Variants in PSME4 observed in about 807,000 individuals in gnomAD.
PSME4 encodes proteasome activator complex subunit 4.
Under a neutral mutation model 253.9 loss-of-function variants are expected in PSME4, and 89 were observed. The observed-to-expected ratio is 0.35, with a 90% CI of 0.30 to 0.42. PSME4 has a LOEUF of 0.42. Ranked by LOEUF, PSME4 falls within the 10% of genes least tolerant of loss-of-function variation. The pLI is 1.00. For missense variants in PSME4, 2,014 were observed against 2,195.2 expected (o/e 0.92, Z 1.65); for synonymous variants, 851 against 759.2 (o/e 1.12, Z -1.99).
At chr2:53,923,601 T>C (rs941491260) in intron 14 of PSME4, among the ~76,000 whole-genome samples, 182 bp from the exon 15 acceptor site, 7 of 152,190 alleles carry the variant, frequency 4.6e-5, no homozygotes, top group African/African-American at 1.4e-4. Context: ...AGAACAATCT[T>C]TGCCCACGAT....
At chr2:53,968,928 A>G (rs1670879280) in intron 1 of PSME4, among the ~76,000 whole-genome samples, 1 of 152,220 alleles carries the variant, frequency 6.6e-6, no homozygotes, top group Non-Finnish European at 1.5e-5. Context: ...TATAAATCCA[A>G]AGCAGATATG....
intron 21 of PSME4, among the ~76,000 whole-genome samples, chr2:53,909,617 ATTC>A (rs1005546174): frequency 2.0e-5 from 3 of 152,198 alleles, no homozygotes; most frequent in Non-Finnish European, 4.4e-5. Context: ...TATAATTAAT[ATTC>A]TTTTCATATA....
Position 53,966,088 on chromosome 2 carries a change from C to A in PSME4, c.242+4455G>T, listed in dbSNP as rs373711138. 6.6e-4 allele frequency among the ~76,000 whole-genome samples: 100 copies of A among 152,168 alleles called. 2 individuals are homozygous for A. The East Asian group carries it at 0.017, about 26-fold the overall frequency. On this transcript the variant is annotated intron_variant, in intron 1 of 46. Coordinates refer to ENST00000404125, the MANE Select transcript of PSME4 (RefSeq NM_014614.3). ...ATCATTTGGGGCCAGGAGTTTGAGA[C>A]AGCCTGGGCAACATGGCAAAACCCC...
chr2:53,873,811 T>A (rs2104412480), intron 43 of PSME4, among the ~76,000 whole-genome samples: 1 of 152,312 alleles, frequency 6.6e-6, no homozygotes, highest in Non-Finnish European at 1.5e-5. Context: ...CAATTTCTCA[T>A]GGTTAAGAAA....
In PSME4 at chr2:53,923,124, A is replaced by T; in HGVS notation, c.1909-6T>A. ...AAAGATTCTTCTGGGCAGCACTGAA[A>T]ATGTATTTGTATAAGTAAGGCTTTT... is the stretch of plus-strand genomic sequence containing the variant. On this transcript the variant is annotated splice_region_variant and splice_polypyrimidine_tract_variant and intron_variant, in intron 15 of 46. Coordinates refer to ENST00000404125, the MANE Select transcript of PSME4 (RefSeq NM_014614.3). The T allele has an allele frequency of 6.2e-7, 1 of 1,602,714 alleles. No homozygotes were observed. The highest frequency in any genetic ancestry group is 8.5e-7 in the Non-Finnish European group (1 of 1,173,590).
rs564692636 is a variant in PSME4, at chr2:53,929,707, GT to G, written c.1317-1405del. Among the ~76,000 whole-genome samples the G allele has an allele frequency of 4.2e-4, 64 of 151,688 alleles. 1 individual carries two copies. Among genetic ancestry groups the G allele is most frequent in the African/African-American group, 1.5e-3 (61 of 41,320 alleles). ...TTCTACATTTTTAGTTTTTAAAAAA[GT>G]TTTGCTTTTATTAAAAATAAAATCT... On this transcript the variant is annotated intron_variant, in intron 10 of 46. Coordinates refer to ENST00000404125, the MANE Select transcript of PSME4 (RefSeq NM_014614.3).
Position 53,922,939 on chromosome 2 carries a change from A to G in PSME4, c.1978+110T>C, listed in dbSNP as rs906622992. 4 of 948,188 alleles carry G rather than the reference A, an allele frequency of 4.2e-6. No individual in the cohort carries two copies. The African/African-American group carries it at 6.8e-5, about 16-fold the overall frequency. The allele number at this position is 948,188 out of a possible 1,614,324, so 58.7% of individuals were successfully genotyped here. A position where few individuals can be genotyped will look rare whatever the true frequency, so the allele number is the denominator to read the frequency against. On this transcript the variant is annotated intron_variant, in intron 16 of 46. Transcript: ENST00000404125. ...GAGACAAATTTTCCCCAAATTGCCA[A>G]TCAAAATATTGTGAAGCTAAAGGAA...
At chr2:53,881,130 A>C (rs1031873460) in intron 41 of PSME4, among the ~76,000 whole-genome samples, 2 of 152,238 alleles carry the variant, frequency 1.3e-5, no homozygotes, top group Non-Finnish European at 2.9e-5. Flanking sequence ...ATTATATACT[A>C]AACTATGTTA....
At chr2:53,953,040 G>A (rs1218736195) in intron 1 of PSME4, among the ~76,000 whole-genome samples, 2 of 152,114 alleles carry the variant, frequency 1.3e-5, no homozygotes, top group African/African-American at 2.4e-5. Context: ...GACCAACAGG[G>A]GGATTCCTGG....
intron 41 of PSME4, among the ~76,000 whole-genome samples, chr2:53,883,800 G>C (rs560100817): frequency 6.6e-6 from 1 of 151,046 alleles, no homozygotes; most frequent in Admixed American, 6.6e-5. Context: ...TCAATATCAT[G>C]GTTTTAAGTA....
intron 29 of PSME4, among the ~76,000 whole-genome samples, chr2:53,898,590 T>G (rs1680247196): frequency 1.3e-5 from 2 of 150,610 alleles, no homozygotes; most frequent in South Asian, 4.2e-4. Context: ...TGAATGGACA[T>G]GCACAAGTAA....
chr2:53,901,603 G>A, intron 27 of PSME4, 44 bp from the exon 28 acceptor site: 2 of 1,503,754 alleles, frequency 1.3e-6, no homozygotes, highest in South Asian at 2.4e-5. Flanking sequence ...GGAAATAAGA[G>A]GCATCATGTA....
intron 29 of PSME4, among the ~76,000 whole-genome samples, chr2:53,899,632 A>G (rs1573241562): frequency 6.6e-6 from 1 of 151,878 alleles, no homozygotes; most frequent in Non-Finnish European, 1.5e-5. Context: ...CGCCTGGCCA[A>G]TGTGGTAAAA....
intron 40 of PSME4, among the ~76,000 whole-genome samples, 198 bp from the exon 41 acceptor site, chr2:53,885,973 T>G (rs1250432598): frequency 6.6e-6 from 1 of 152,128 alleles, no homozygotes; most frequent in Non-Finnish European, 1.5e-5. Context: ...AATTTAAAAC[T>G]TTTGTGCATA....
intron 24 of PSME4, 102 bp from the exon 25 acceptor site, chr2:53,906,970 TTGAC>T (rs1680688762): frequency 1.0e-6 from 1 of 984,384 alleles, no homozygotes. Context: ...AGGTCCCTGG[TTGAC>T]TGGTGAGTGG....
intron 3 of PSME4, among the ~76,000 whole-genome samples, chr2:53,940,928 A>G: frequency 1.3e-5 from 1 of 76,948 alleles, no homozygotes; most frequent in Admixed American, 1.9e-4. Context: ...ATATATATAT[A>G]ATACATATAT....
intron 28 of PSME4, 21 bp from the exon 29 acceptor site, chr2:53,900,038 A>C (rs1013922842): frequency 3.7e-6 from 6 of 1,605,258 alleles, no homozygotes; most frequent in Non-Finnish European, 5.1e-6. Flanking sequence ...AGAAAAAAGC[A>C]GGAAAAAAAA....
intron 43 of PSME4, among the ~76,000 whole-genome samples, chr2:53,873,225 C>T (rs1419177512): frequency 2.3e-5 from 2 of 87,590 alleles, no homozygotes; most frequent in East Asian, 3.7e-4. Flanking sequence ...TGGGTAACAG[C>T]GAGACTCCGT....
At chr2:53,911,417 C>T (rs1667822598) in intron 20 of PSME4, among the ~76,000 whole-genome samples, 1 of 152,096 alleles carries the variant, frequency 6.6e-6, no homozygotes, top group Non-Finnish European at 1.5e-5. Flanking sequence ...ACCTGAGCAT[C>T]TTAAATATTT....
Sources: gnomAD v4.1 joint callset for allele counts (sites outside exome capture counted in the v4.1 genomes callset) on GRCh38, gnomAD v4.1.1 for gene constraint, MANE v1.5 for transcripts, NCBI Gene and HGNC (gene_info 2026-07-23, HGNC 2026-07-21) for gene names.